MGMT: variants seen among roughly 807,000 people sequenced by gnomAD.
MGMT encodes the protein O-6-methylguanine-DNA methyltransferase.
MGMT carries 14 observed loss-of-function variants against 15.9 expected under a neutral mutation model. The observed-to-expected ratio is 0.88, with a 90% CI of 0.58 to 1.37. MGMT has a LOEUF of 1.37. Ranked by LOEUF, MGMT falls within the 40% of genes most tolerant of loss-of-function variation. MGMT has a pLI of 0.00. For synonymous variants in MGMT, 130 were observed against 118.2 expected (o/e 1.10, Z -0.65); for missense variants, 282 against 268.1 (o/e 1.05, Z -0.36).
chr10:129,751,889 C>A (rs575259955), intron 3 of MGMT, among the ~76,000 whole-genome samples: 1 of 152,034 alleles, frequency 6.6e-6, no homozygotes, highest in African/African-American at 2.4e-5. Flanking sequence ...TGATTGCAGT[C>A]ATTTTGCATG....
intron 2 of MGMT, among the ~76,000 whole-genome samples, chr10:129,558,072 C>G (rs1203893900): frequency 6.6e-6 from 1 of 152,198 alleles, no homozygotes; most frequent in Non-Finnish European, 1.5e-5. Flanking sequence ...ACCACATCAT[C>G]CCACGTGTGC....
chr10:129,716,365 C>G (rs1393471681), intron 3 of MGMT, among the ~76,000 whole-genome samples: 2 of 152,050 alleles, frequency 1.3e-5, no homozygotes, highest in Non-Finnish European at 2.9e-5. Context: ...GTTGCACAAA[C>G]ACATATTGTG....
At chr10:129,573,893 A>G (rs1458231672) in intron 2 of MGMT, among the ~76,000 whole-genome samples, 1 of 152,242 alleles carries the variant, frequency 6.6e-6, no homozygotes, top group Non-Finnish European at 1.5e-5. Context: ...TAGATTCTAA[A>G]TAAGTGACTT....
intron 2 of MGMT, among the ~76,000 whole-genome samples, chr10:129,669,148 G>C (rs1380259127): frequency 6.6e-6 from 1 of 152,038 alleles, no homozygotes; most frequent in Non-Finnish European, 1.5e-5. Context: ...AGGACACTAG[G>C]TTTCCTGATA....
intron 2 of MGMT, chr10:129,701,016 G>A (rs1433754445): frequency 6.6e-6 from 1 of 152,268 alleles, no homozygotes; most frequent in Non-Finnish European, 1.5e-5. Flanking sequence ...ACCAGGTTCT[G>A]GAAGCCAGAG....
rs1444334728 is a variant in MGMT, at chr10:129,770,301, G to GT, written c.*3305dup. Among the ~76,000 whole-genome samples the GT allele has an allele frequency of 2.0e-5, 3 of 152,236 alleles. No homozygotes were observed. Among genetic ancestry groups the GT allele is most frequent in the African/African-American group, 7.2e-5 (3 of 41,456 alleles). ...CCATCCACCTGAATTGCTGAGAAACGTAAGAGGTGGTGTGACCCGCTGGAG... is the reference window on the plus strand; with the variant it reads ...CCATCCACCTGAATTGCTGAGAAACGTTAAGAGGTGGTGTGACCCGCTGGAG... On this transcript the variant is annotated 3_prime_UTR_variant, in exon 5 of 5. Transcript: ENST00000651593.
chr10:129,629,993 G>A (rs1187943166), intron 2 of MGMT, among the ~76,000 whole-genome samples: 2 of 152,240 alleles, frequency 1.3e-5, no homozygotes, highest in African/African-American at 2.4e-5. Flanking sequence ...TCACACACAC[G>A]GATCTGCCCG....
rs1179824199 is a variant in MGMT, at chr10:129,477,129, C to T, written c.-13+9833C>T. On this transcript the variant is annotated intron_variant, in intron 1 of 4. Transcript: ENST00000651593. Reference sequence around the variant, plus strand: ...CCCTCTCTTCCCAGAGCAGCCTCTGCTCTATCCTCAGGGAACCTCTTCTGA... The same window carrying T: ...CCCTCTCTTCCCAGAGCAGCCTCTGTTCTATCCTCAGGGAACCTCTTCTGA... 2.0e-5 allele frequency among the ~76,000 whole-genome samples: 3 copies of T among 152,150 alleles called. No homozygotes were observed. In the East Asian group the frequency reaches 5.8e-4, roughly 29 times the overall value.
At chr10:129,759,104 G>C (rs958668664) in intron 3 of MGMT, 98 bp from the exon 4 acceptor site, 11 of 1,433,010 alleles carry the variant, frequency 7.7e-6, no homozygotes, top group African/African-American at 7.0e-5. Flanking sequence ...ACCTCTATTT[G>C]TGTAGATGCG....
intron 1 of MGMT, among the ~76,000 whole-genome samples, chr10:129,485,051 G>A (rs1425498414): frequency 2.0e-5 from 3 of 152,000 alleles, no homozygotes; most frequent in Non-Finnish European, 4.4e-5. Context: ...TGTTGTATTA[G>A]GAGATCTTTC....
Position 129,742,443 on chromosome 10 carries a change from C to T in MGMT, c.275-16759C>T, listed in dbSNP as rs576506548. ...GACCGCAGCAGCCCATGCTCAGAGC[C>T]AGGTCCTCAGGGCCGGGGCATTCAG... On this transcript the variant is annotated intron_variant, in intron 3 of 4. Transcript: ENST00000651593. Among the ~76,000 whole-genome samples, 3 of 152,284 alleles carry T rather than the reference C, an allele frequency of 2.0e-5. No individual in the cohort carries two copies. In the South Asian group the frequency reaches 6.2e-4, roughly 32 times the overall value.
intron 1 of MGMT, among the ~76,000 whole-genome samples, chr10:129,481,167 C>G (rs1413485408): frequency 6.6e-6 from 1 of 152,236 alleles, no homozygotes; most frequent in African/African-American, 2.4e-5. Flanking sequence ...TGTTGTCTTT[C>G]ACCGTGCGGT....
rs575324608 is a variant in MGMT at position 129,545,044 on chromosome 10, C to T, written c.125+8667C>T. 4.6e-5 allele frequency among the ~76,000 whole-genome samples: 7 copies of T among 152,298 alleles called. No individual in the cohort carries two copies. In the South Asian group the frequency reaches 1.2e-3, roughly 27 times the overall value. The stretch of plus-strand genomic sequence containing the variant: ...GGCCTGGTGGGAGGAGGTGTCCTTC[C>T]GTCACTGCACTTCGTCCTTGGGACC... On this transcript the variant is annotated intron_variant, in intron 2 of 4. Transcript: ENST00000651593.
intron 2 of MGMT, among the ~76,000 whole-genome samples, chr10:129,668,316 TA>T (rs1847682674): frequency 6.6e-6 from 1 of 152,102 alleles, no homozygotes; most frequent in South Asian, 2.1e-4. Flanking sequence ...TTTAGAAGTA[TA>T]AAAACCATTC....
intron 1 of MGMT, among the ~76,000 whole-genome samples, chr10:129,521,678 G>C (rs533690955): frequency 6.6e-6 from 1 of 152,162 alleles, no homozygotes; most frequent in Non-Finnish European, 1.5e-5. Flanking sequence ...TGGAGGGAGC[G>C]TCTACCTGCT....
chr10:129,576,881 A>G (rs1206502759), intron 2 of MGMT, among the ~76,000 whole-genome samples: 1 of 152,358 alleles, frequency 6.6e-6, no homozygotes, highest in East Asian at 1.9e-4. Flanking sequence ...AAGCATTCTT[A>G]TACACCAATA....
At chr10:129,487,778 C>T (rs1386985977) in intron 1 of MGMT, among the ~76,000 whole-genome samples, 1 of 151,790 alleles carries the variant, frequency 6.6e-6, no homozygotes, top group Admixed American at 6.6e-5. Flanking sequence ...TTTCTTTATA[C>T]ACTGCTAACC....
At chr10:129,656,798 C>A (rs1847529166) in intron 2 of MGMT, among the ~76,000 whole-genome samples, 1 of 152,034 alleles carries the variant, frequency 6.6e-6, no homozygotes, top group Admixed American at 6.6e-5. Flanking sequence ...AGAGGGATGA[C>A]TGAATACAAC....
At chr10:129,575,955 G>A (rs1201073105) in intron 2 of MGMT, among the ~76,000 whole-genome samples, 6 of 151,988 alleles carry the variant, frequency 3.9e-5, no homozygotes, top group East Asian at 3.9e-4. Context: ...TAAATTCCTC[G>A]ACACATACAC....
Sources: gnomAD v4.1 joint callset for allele counts (sites outside exome capture counted in the v4.1 genomes callset) on GRCh38, gnomAD v4.1.1 for gene constraint, MANE v1.5 for transcripts, NCBI Gene and HGNC (gene_info 2026-07-23, HGNC 2026-07-21) for gene names.